Variants in TRIM55 observed in about 807,000 individuals in gnomAD.
The protein encoded by TRIM55 is tripartite motif containing 55.
Under a neutral mutation model 60.9 loss-of-function variants are expected in TRIM55, and 50 were observed. The ratio of observed to expected loss-of-function variants is 0.82; its 90% CI spans 0.65 to 1.04. The LOEUF (loss-of-function observed/expected upper bound fraction) is 1.04. Among genes scored for constraint, TRIM55 ranks in the 50% least tolerant of loss-of-function variants. The pLI, the probability that TRIM55 is intolerant of heterozygous loss-of-function variation, is 0.00. For synonymous variants in TRIM55, 237 were observed against 238.1 expected, an observed-to-expected ratio of 1.00 and a Z score of 0.04; for missense variants, 681 against 666.9, an observed-to-expected ratio of 1.02 and a Z score of -0.23.
chr8:66,141,644 T>G (rs1809824544), intron 4 of TRIM55, among the ~76,000 whole-genome samples: 3 of 152,244 alleles, frequency 2.0e-5, no homozygotes, highest in Non-Finnish European at 1.5e-5. Context: ...GGGCACAGGC[T>G]GTTAATACTG....
chr8:66,129,892 A>C (rs1413072026), intron 2 of TRIM55, among the ~76,000 whole-genome samples: 3 of 152,250 alleles, frequency 2.0e-5, no homozygotes, highest in Non-Finnish European at 4.4e-5. Context: ...TGCACAGAAT[A>C]GTTGCTCCAT....
chr8:66,116,033 G>A, the TRIM55 span, among the ~76,000 whole-genome samples: 4 of 152,278 alleles, frequency 2.6e-5, no homozygotes, highest in Middle Eastern at 3.4e-3. Context: ...AGGCCTGGGG[G>A]AATTAGTCTA....
chr8:66,168,043 C>G (rs1811420759), intron 9 of TRIM55, among the ~76,000 whole-genome samples: 1 of 152,182 alleles, frequency 6.6e-6, no homozygotes, highest in Non-Finnish European at 1.5e-5. Flanking sequence ...AGCCATCATG[C>G]CTGGCCAAAA....
At position 66,128,383 on chromosome 8, in the gene TRIM55, A is replaced by G. The variant is rs1413834343; in HGVS notation, c.248A>G (p.His83Arg). Residue 83 changes from histidine to arginine, a missense_variant, in exon 2 of 10, where the codon CAT (histidine) becomes CGT (arginine). His to Arg is a conservative substitution (Grantham distance 29). Transcript: ENST00000315962. The stretch of plus-strand genomic sequence containing the variant: ...CGATTCCGCTGCCCATCCTGTAGAC[A>G]TGAAGTGGTTTTGGATAGACATGGG... ...GGRFRCPSCRHEVVLDRHGVY... is the reference protein window; with the variant it reads ...GGRFRCPSCRREVVLDRHGVY... The G allele has an allele frequency of 5.6e-6, 9 of 1,613,894 alleles. No individual in the cohort carries two copies. The highest frequency in any genetic ancestry group is 7.6e-6 in the Non-Finnish European group (9 of 1,179,888).
At chr8:66,119,729 T>C in the TRIM55 span, among the ~76,000 whole-genome samples, 1 of 152,228 alleles carries the variant, frequency 6.6e-6, no homozygotes, top group Non-Finnish European at 1.5e-5. Flanking sequence ...GTCCTTCATA[T>C]GCATTTGAAT....
At chr8:66,130,563 G>GGC (rs36082426) in intron 2 of TRIM55, among the ~76,000 whole-genome samples, 1 of 91,382 alleles carries the variant, frequency 1.1e-5, no homozygotes, top group Non-Finnish European at 2.2e-5. Context: ...GAAGGGGGTC[G>GGC]GGGGGGGTGA....
Position 66,154,136 on chromosome 8 carries a change from C to A in TRIM55, c.1326C>A (p.Tyr442Ter). 6.2e-7 allele frequency: 1 copy of A among 1,614,048 alleles called. No individual in the cohort carries two copies. The change falls in exon 9 of 10, where the codon TAC (tyrosine) becomes TAA (stop). Residue 442 changes from tyrosine (Y) to a stop codon, truncating the protein, a stop_gained. Transcript: ENST00000315962. LOFTEE classifies it high-confidence loss of function. ...AAAETADPLF[Y>*]PSWYKGQTRK... ...CAGAAACTGCGGATCCCTTGTTTTACCCTAGTTGGTATAAAGGCCAAACCC... is the reference window on the plus strand; with the variant it reads ...CAGAAACTGCGGATCCCTTGTTTTAACCTAGTTGGTATAAAGGCCAAACCC...
At chr8:66,154,415 G>T in intron 9 of TRIM55, 81 bp downstream of exon 9, 1 of 1,479,456 alleles carries the variant, frequency 6.8e-7, no homozygotes, top group Non-Finnish European at 9.1e-7. Context: ...AGAAGAAAAA[G>T]GGTTTTCAAA....
rs989729042 is a variant in TRIM55 at position 66,135,249 on chromosome 8, G to C, written c.507+94G>C. On this transcript the variant is annotated intron_variant, in intron 3 of 9. Transcript: ENST00000315962. ...AGTGTGAGTGGCTCCCTGCGGTGGA[G>C]GAGGAAGCCCAAGCCACGCAGGGCC... 2.1e-6 allele frequency: 3 copies of C among 1,413,238 alleles called. No homozygotes were observed. The African/African-American group carries it at 4.3e-5, about 20-fold the overall frequency. The allele number at this position is 1,413,238 out of a possible 1,614,324, so 87.5% of individuals were successfully genotyped here. A position where few individuals can be genotyped will look rare whatever the true frequency, so the allele number is the denominator to read the frequency against.
At chr8:66,167,594 C>T (rs1456444709) in intron 9 of TRIM55, among the ~76,000 whole-genome samples, 1 of 152,100 alleles carries the variant, frequency 6.6e-6, no homozygotes, top group Admixed American at 6.5e-5. Context: ...GAGTTTAATT[C>T]CTGCTTGTTT....
intron 9 of TRIM55, among the ~76,000 whole-genome samples, chr8:66,173,762 T>C (rs1354106631): frequency 6.6e-6 from 1 of 152,242 alleles, no homozygotes; most frequent in African/African-American, 2.4e-5. Flanking sequence ...ACAACATAAG[T>C]AAATTTTGCT....
Position 66,135,129 on chromosome 8 carries a change from C to G in TRIM55, c.481C>G (p.Leu161Val). ...ACACAAAGACTGCCAGGTGGCTCCC[C>G]TCACTCATGTGTTCCAGAGACAGAA... ...GAHKDCQVAP[L>V]THVFQRQKSE... Residue 161 changes from leucine to valine, a missense_variant, in exon 3 of 10, where the codon CTC becomes GTC. By Grantham distance (32) the Leu-to-Val change is conservative. Coordinates refer to ENST00000315962, the MANE Select transcript of TRIM55 (RefSeq NM_184085.2). 6.2e-7 allele frequency: 1 copy of G among 1,614,184 alleles called. No individual in the cohort carries two copies. Among genetic ancestry groups the G allele is most frequent in the Non-Finnish European group, 8.5e-7 (1 of 1,180,020 alleles).
chr8:66,114,173 A>G, the TRIM55 span, among the ~76,000 whole-genome samples: 10 of 150,668 alleles, frequency 6.6e-5, no homozygotes, highest in African/African-American at 2.4e-4. Context: ...ACAGATAATA[A>G]GCCGTGCCCA....
chr8:66,155,880 C>T (rs1036151972), intron 9 of TRIM55, among the ~76,000 whole-genome samples: 3 of 152,212 alleles, frequency 2.0e-5, no homozygotes, highest in Admixed American at 6.5e-5. Flanking sequence ...ACAATGCAAT[C>T]GCCTCAAGAC....
the TRIM55 span, chr8:66,114,440 T>G: frequency 2.3e-6 from 1 of 438,918 alleles, no homozygotes; most frequent in Non-Finnish European, 4.6e-6. Flanking sequence ...TTTAGACCCA[T>G]TTAATTGGGG....
intron 9 of TRIM55, among the ~76,000 whole-genome samples, chr8:66,165,903 T>C (rs1471002409): frequency 6.6e-6 from 1 of 152,172 alleles, no homozygotes; most frequent in African/African-American, 2.4e-5. Flanking sequence ...ATTAACATTA[T>C]TAATGCTTTT....
intron 9 of TRIM55, among the ~76,000 whole-genome samples, chr8:66,165,261 A>G (rs1306332629): frequency 6.6e-6 from 1 of 152,206 alleles, no homozygotes; most frequent in African/African-American, 2.4e-5. Context: ...AGATAAAAGC[A>G]TTTTATGCAA....
intron 2 of TRIM55, 101 bp downstream of exon 2, chr8:66,128,577 C>A: frequency 7.7e-7 from 1 of 1,302,472 alleles, no homozygotes; most frequent in Non-Finnish European, 1.1e-6. Flanking sequence ...TTATCAATCA[C>A]AGACTGTTTT....
At position 66,133,948 on chromosome 8, in the gene TRIM55, C is replaced by T. The variant is rs75307822; in HGVS notation, c.342-1042C>T. Among the ~76,000 whole-genome samples the T allele has an allele frequency of 7.3e-3, 1,114 of 152,296 alleles. 12 individuals are homozygous for T. Among genetic ancestry groups the T allele is most frequent in the African/African-American group, 0.025 (1,046 of 41,560 alleles). On this transcript the variant is annotated intron_variant, in intron 2 of 9. Coordinates refer to ENST00000315962, the MANE Select transcript of TRIM55 (RefSeq NM_184085.2). ...ACACATACACAAACACACACACACA[C>T]ACAAACACACATATACTTTTGTTTC...
Sources: allele counts gnomAD v4.1 joint callset (sites outside exome capture counted in the v4.1 genomes callset), GRCh38; gene constraint gnomAD v4.1.1; transcripts MANE v1.5; gene names NCBI Gene and HGNC (gene_info 2026-07-23, HGNC 2026-07-21).